Variants in RBMXL2 observed in about 807,000 individuals in gnomAD.
RBMXL2 encodes the protein RBMX like 2.
Under a neutral mutation model 1.0 loss-of-function variants are expected in RBMXL2, and 2 were observed. The observed-to-expected ratio is 2.05, with a 90% CI of 0.84 to 6.44. RBMXL2 has a LOEUF of 6.44. RBMXL2 is among the 30% of genes most tolerant of loss of function. RBMXL2 has a pLI of 0.05. For missense variants in RBMXL2, 658 were observed against 608.5 expected (o/e 1.08, Z -0.85); for synonymous variants, 313 against 267.9 (o/e 1.17, Z -1.64).
chr11:7,089,042 G>T lies in RBMXL2; in HGVS notation c.-79G>T. 1.3e-6 allele frequency: 2 copies of T among 1,516,544 alleles called. No homozygotes were observed. Among genetic ancestry groups the T allele is most frequent in the South Asian group, 1.2e-5 (1 of 84,558 alleles). 93.9% of individuals were successfully genotyped at this position (1,516,544 alleles called of 1,614,324 possible). A position where few individuals can be genotyped will look rare whatever the true frequency, so the allele number is the denominator to read the frequency against. On this transcript the variant is annotated 5_prime_UTR_variant, in exon 1 of 1. Transcript: ENST00000306904. ...CGCCTGACCAGTAGGAGCCGCCCTC[G>T]ACGAGCGAGCTCGAAGGCTGCGACT... is the stretch of plus-strand genomic sequence containing the variant.
chr11:7,088,999 G>T lies in RBMXL2; in HGVS notation c.-122G>T. The T allele has an allele frequency of 8.4e-7, 1 of 1,190,846 alleles. No homozygotes were observed. The highest frequency in any genetic ancestry group is 1.4e-5 in the South Asian group (1 of 71,726). 73.8% of individuals were successfully genotyped at this position (1,190,846 alleles called of 1,614,324 possible). A position where few individuals can be genotyped will look rare whatever the true frequency, so the allele number is the denominator to read the frequency against. Reference sequence around the variant, plus strand: ...GCGGGGCTCCGGCTGCGGTTCCGTGGACTCGGCGACTAGGCGCCGCCTGAC... The same window carrying T: ...GCGGGGCTCCGGCTGCGGTTCCGTGTACTCGGCGACTAGGCGCCGCCTGAC... On this transcript the variant is annotated 5_prime_UTR_variant, in exon 1 of 1. Transcript: ENST00000306904.
In RBMXL2 at chr11:7,089,027, G is replaced by T; in HGVS notation, c.-94G>T. ...TCGGCGACTAGGCGCCGCCTGACCAGTAGGAGCCGCCCTCGACGAGCGAGC... is the reference window on the plus strand; with the variant it reads ...TCGGCGACTAGGCGCCGCCTGACCATTAGGAGCCGCCCTCGACGAGCGAGC... On this transcript the variant is annotated 5_prime_UTR_variant, in exon 1 of 1. Coordinates refer to ENST00000306904, the MANE Select transcript of RBMXL2 (RefSeq NM_014469.5). 6.9e-7 allele frequency: 1 copy of T among 1,448,398 alleles called. No individual in the cohort carries two copies. The highest frequency in any genetic ancestry group is 1.4e-5 in the African/African-American group (1 of 71,366). The allele number at this position is 1,448,398 out of a possible 1,614,324, so 89.7% of individuals were successfully genotyped here. A position where few individuals can be genotyped will look rare whatever the true frequency, so the allele number is the denominator to read the frequency against.
At position 7,089,799 on chromosome 11, in the gene RBMXL2, G is replaced by A. The variant is rs564373546; in HGVS notation, c.679G>A (p.Glu227Lys). The change falls in exon 1 of 1, where the codon GAA (glutamate) becomes AAA (lysine). Residue 227 changes from glutamate to lysine, a missense_variant. Physicochemically the swap from Glu to Lys is moderately conservative, Grantham distance 56. Transcript: ENST00000306904. ...RDGYSSRDYREPRGFAPSPGE... is the reference protein window; with the variant it reads ...RDGYSSRDYRKPRGFAPSPGE... ...CGGCTACTCGAGCCGAGACTACCGCGAACCCCGGGGTTTTGCCCCCTCGCC... is the reference window on the plus strand; with the variant it reads ...CGGCTACTCGAGCCGAGACTACCGCAAACCCCGGGGTTTTGCCCCCTCGCC... 421 of 1,602,940 alleles carry A rather than the reference G, an allele frequency of 2.6e-4. 6 individuals are homozygous for A. In the South Asian group the frequency reaches 4.4e-3, roughly 17 times the overall value.
chr11:7,089,023 A>G lies in RBMXL2; in HGVS notation c.-98A>G. On this transcript the variant is annotated 5_prime_UTR_variant, in exon 1 of 1. Transcript: ENST00000306904. ...GGACTCGGCGACTAGGCGCCGCCTGACCAGTAGGAGCCGCCCTCGACGAGC... is the reference window on the plus strand; with the variant it reads ...GGACTCGGCGACTAGGCGCCGCCTGGCCAGTAGGAGCCGCCCTCGACGAGC... The G allele has an allele frequency of 7.1e-7, 1 of 1,414,886 alleles. No individual in the cohort carries two copies. 87.6% of individuals were successfully genotyped at this position (1,414,886 alleles called of 1,614,324 possible).
Position 7,090,067 on chromosome 11 carries a change from C to G in RBMXL2, c.947C>G (p.Pro316Arg). ...GRYEEYRGYSPDAYSGGRDSY... is the reference protein window; with the variant it reads ...GRYEEYRGYSRDAYSGGRDSY... ...TACGAGGAGTACCGGGGCTACTCACCCGATGCCTACAGCGGCGGCCGCGAC... is the reference window on the plus strand; with the variant it reads ...TACGAGGAGTACCGGGGCTACTCACGCGATGCCTACAGCGGCGGCCGCGAC... The change falls in exon 1 of 1, where the codon CCC becomes CGC. Residue 316 changes from proline to arginine, a missense_variant. Transcript: ENST00000306904. 1 of 1,612,866 alleles carries G rather than the reference C, an allele frequency of 6.2e-7. No homozygotes were observed. The highest frequency in any genetic ancestry group is 8.5e-7 in the Non-Finnish European group (1 of 1,179,706).
In RBMXL2 at chr11:7,089,327, G is replaced by A; in HGVS notation, c.207G>A (p.Met69Ile). 6.2e-7 allele frequency: 1 copy of A among 1,607,904 alleles called. No individual in the cohort carries two copies. The highest frequency in any genetic ancestry group is 8.5e-7 in the Non-Finnish European group (1 of 1,177,086). ...PADAKAAARD[M>I]NGKSLDGKAI... ...ACGCCAAGGCCGCCGCCAGAGACAT[G>A]AACGGCAAGTCCCTGGATGGTAAGG... is the stretch of plus-strand genomic sequence containing the variant. Residue 69 changes from methionine to isoleucine, a missense_variant, in exon 1 of 1, where the codon ATG (methionine) becomes ATA (isoleucine). Transcript: ENST00000306904.
Position 7,090,573 on chromosome 11 carries a change from A to G in RBMXL2, c.*274A>G. The G allele has an allele frequency of 2.1e-6, 1 of 483,612 alleles. No individual in the cohort carries two copies. Among genetic ancestry groups the G allele is most frequent in the South Asian group, 2.3e-5 (1 of 43,900 alleles). The allele number at this position is 483,612 out of a possible 1,614,324, so 30.0% of individuals were successfully genotyped here. ...AGTCTTCTTACATTTACAAGTAGAA[A>G]TTCGATTAATGGCTTCTTCCCTTGT... is the stretch of plus-strand genomic sequence containing the variant. On this transcript the variant is annotated 3_prime_UTR_variant, in exon 1 of 1. Transcript: ENST00000306904.
At position 7,089,428 on chromosome 11, in the gene RBMXL2, G is replaced by C. The variant is rs1853084166; in HGVS notation, c.308G>C (p.Gly103Ala). 1 of 1,551,392 alleles carries C rather than the reference G, an allele frequency of 6.4e-7. No individual in the cohort carries two copies. Among genetic ancestry groups the C allele is most frequent in the Non-Finnish European group, 8.7e-7 (1 of 1,148,602 alleles). ...GGCCCGCCGCCTCCCCGCAGCCGCG[G>C]TCGCCCGAGGTTCCTGCGCGGAACC... ...RRGPPPPRSRGRPRFLRGTRG... is the reference protein window; with the variant it reads ...RRGPPPPRSRARPRFLRGTRG... Residue 103 changes from glycine (G) to alanine (A), a missense_variant, in exon 1 of 1, where the codon GGT becomes GCT. Coordinates refer to ENST00000306904, the MANE Select transcript of RBMXL2 (RefSeq NM_014469.5).
In RBMXL2 at chr11:7,089,706, C is replaced by T. The variant is rs768070314; in HGVS notation, c.586C>T (p.Arg196Trp). 9.2e-6 allele frequency: 14 copies of T among 1,523,074 alleles called. No individual in the cohort carries two copies. Among genetic ancestry groups the T allele is most frequent in the South Asian group, 3.6e-5 (3 of 83,654 alleles). The allele number at this position is 1,523,074 out of a possible 1,614,324, so 94.3% of individuals were successfully genotyped here. A position where few individuals can be genotyped will look rare whatever the true frequency, so the allele number is the denominator to read the frequency against. ...AGACGGCTACTCAGGCCCACCGCGCCGGGAGCCGCTGCCCCCGCGCCGCGA... is the reference window on the plus strand; with the variant it reads ...AGACGGCTACTCAGGCCCACCGCGCTGGGAGCCGCTGCCCCCGCGCCGCGA... ...GRDGYSGPPR[R>W]EPLPPRRDPY... Residue 196 changes from arginine to tryptophan, a missense_variant, in exon 1 of 1, where the codon CGG (arginine) becomes TGG (tryptophan). Transcript: ENST00000306904.
Position 7,089,148 on chromosome 11 carries a change from C to A in RBMXL2, c.28C>A (p.Leu10Met). The A allele has an allele frequency of 6.2e-7, 1 of 1,614,026 alleles. No homozygotes were observed. The highest frequency in any genetic ancestry group is 8.5e-7 in the Non-Finnish European group (1 of 1,179,952). MVEADRPGK[L>M]FIGGLNLETD... The stretch of plus-strand genomic sequence containing the variant: ...GGTTGAAGCGGATCGCCCGGGGAAG[C>A]TGTTCATTGGGGGCCTCAACCTCGA... The change falls in exon 1 of 1, where the codon CTG becomes ATG. Residue 10 changes from leucine (L) to methionine (M), a missense_variant. Transcript: ENST00000306904.
chr11:7,090,529 G>C lies in RBMXL2; in HGVS notation c.*230G>C. The C allele has an allele frequency of 1.7e-6, 1 of 601,196 alleles. No individual in the cohort carries two copies. The highest frequency in any genetic ancestry group is 3.0e-6 in the Non-Finnish European group (1 of 335,342). 37.2% of individuals were successfully genotyped at this position (601,196 alleles called of 1,614,324 possible). A position where few individuals can be genotyped will look rare whatever the true frequency, so the allele number is the denominator to read the frequency against. On this transcript the variant is annotated 3_prime_UTR_variant, in exon 1 of 1. Coordinates refer to ENST00000306904, the MANE Select transcript of RBMXL2 (RefSeq NM_014469.5). Reference sequence around the variant, plus strand: ...TTCTTTCAACAAGCTCCTGTTAAAAGTATATGAACCTGAGTACTAGTCTTC... The same window carrying C: ...TTCTTTCAACAAGCTCCTGTTAAAACTATATGAACCTGAGTACTAGTCTTC...
At position 7,089,857 on chromosome 11, in the gene RBMXL2, C is replaced by T. The variant is rs767037405; in HGVS notation, c.737C>T (p.Ser246Phe). ...TACACCCACCGCGATTACGGCCACT[C>T]CAGTGTCCGGGACGACTGTCCCTTG... ...GEYTHRDYGHSSVRDDCPLRG... is the reference protein window; with the variant it reads ...GEYTHRDYGHFSVRDDCPLRG... The change falls in exon 1 of 1, where the codon TCC becomes TTC. Residue 246 changes from serine (S) to phenylalanine (F), a missense_variant. Transcript: ENST00000306904. 3 of 1,612,326 alleles carry T rather than the reference C, an allele frequency of 1.9e-6. No homozygotes were observed. The highest frequency in any genetic ancestry group is 8.5e-7 in the Non-Finnish European group (1 of 1,179,948).
In RBMXL2 at chr11:7,089,975, C is replaced by T. The variant is rs766818912; in HGVS notation, c.855C>T (p.Ser285=). ...GCTCCCATCGAGAGCCCTTTGAGAG[C>T]TACGGAGAGCTGCGCGGCGCCGCCC... ...SRGSHREPFE[S]YGELRGAAPG... is the part of the protein sequence containing the mutation. The change falls in exon 1 of 1, where the codon AGC becomes AGT. Residue 285 remains serine, a synonymous_variant. Transcript: ENST00000306904. The T allele has an allele frequency of 1.9e-6, 3 of 1,613,054 alleles. No individual in the cohort carries two copies. The highest frequency in any genetic ancestry group is 2.5e-6 in the Non-Finnish European group (3 of 1,180,012).
chr11:7,089,732 C>T lies in RBMXL2; in HGVS notation c.612C>T (p.Asp204=). The change falls in exon 1 of 1, where the codon GAC becomes GAT. Residue 204 remains aspartate (D), a synonymous_variant. Transcript: ENST00000306904. ...GGGAGCCGCTGCCCCCGCGCCGCGACCCCTACCTGGGCCCGCGGGATGAGG... is the reference window on the plus strand; with the variant it reads ...GGGAGCCGCTGCCCCCGCGCCGCGATCCCTACCTGGGCCCGCGGGATGAGG... ...PRREPLPPRR[D]PYLGPRDEGY... 1 of 1,542,600 alleles carries T rather than the reference C, an allele frequency of 6.5e-7. No homozygotes were observed. Among genetic ancestry groups the T allele is most frequent in the Non-Finnish European group, 8.7e-7 (1 of 1,149,872 alleles).
chr11:7,089,639 C>G lies in RBMXL2; in HGVS notation c.519C>G (p.Ser173Arg), dbSNP rs559147307. 22 of 1,302,738 alleles carry G rather than the reference C, an allele frequency of 1.7e-5. No homozygotes were observed. The African/African-American group carries it at 3.5e-4, about 20-fold the overall frequency. The allele number at this position is 1,302,738 out of a possible 1,614,324, so 80.7% of individuals were successfully genotyped here. The change falls in exon 1 of 1, where the codon AGC becomes AGG. Residue 173 changes from serine to arginine, a missense_variant. Transcript: ENST00000306904. ...RAAPSGPARSSGGGMRGRALA... is the reference protein window; with the variant it reads ...RAAPSGPARSRGGGMRGRALA... ...CGCCGTCGGGCCCGGCTCGCAGCAG[C>G]GGCGGTGGAATGCGCGGGAGGGCCC... is the stretch of plus-strand genomic sequence containing the variant.
In RBMXL2 at chr11:7,090,238, C is replaced by A. The variant is rs770427173; in HGVS notation, c.1118C>A (p.Pro373His). 1 of 1,610,676 alleles carries A rather than the reference C, an allele frequency of 6.2e-7. No homozygotes were observed. The highest frequency in any genetic ancestry group is 8.5e-7 in the Non-Finnish European group (1 of 1,178,580). The change falls in exon 1 of 1, where the codon CCC becomes CAC. Residue 373 changes from proline (P) to histidine (H), a missense_variant. Pro to His is a moderately conservative substitution (Grantham distance 77, BLOSUM62 -2). Coordinates refer to ENST00000306904, the MANE Select transcript of RBMXL2 (RefSeq NM_014469.5). The stretch of plus-strand genomic sequence containing the variant: ...TACAGCCGGTCAGGCTGCAGGGTGC[C>A]CAGGGGCGGAGGCCGTCTAGGAGGC... ...DSYSRSGCRV[P>H]RGGGRLGGRL...
At position 7,089,955 on chromosome 11, in the gene RBMXL2, C is replaced by A. The variant is rs143507713; in HGVS notation, c.835C>A (p.His279Asn). Reference protein sequence around the residue: ...DYGDHLSRGSHREPFESYGEL... With the variant: ...DYGDHLSRGSNREPFESYGEL... ...CGGGGATCATCTGAGCAGAGGCTCC[C>A]ATCGAGAGCCCTTTGAGAGCTACGG... The change falls in exon 1 of 1, where the codon CAT becomes AAT. Residue 279 changes from histidine (H) to asparagine (N), a missense_variant. Coordinates refer to ENST00000306904, the MANE Select transcript of RBMXL2 (RefSeq NM_014469.5). 2.7e-5 allele frequency: 44 copies of A among 1,613,094 alleles called. No homozygotes were observed. The African/African-American group carries it at 5.6e-4, about 21-fold the overall frequency.
Position 7,090,167 on chromosome 11 carries a change from G to A in RBMXL2, c.1047G>A (p.Gly349=), listed in dbSNP as rs767290026. 6.2e-6 allele frequency: 10 copies of A among 1,613,856 alleles called. No homozygotes were observed. In the Admixed American group the frequency reaches 1.5e-4, roughly 24 times the overall value. The change falls in exon 1 of 1, where the codon GGG becomes GGA. Residue 349 remains glycine (G), a synonymous_variant. Coordinates refer to ENST00000306904, the MANE Select transcript of RBMXL2 (RefSeq NM_014469.5). ...ACCGGGTGGGCAGACCAGATCGTGG[G>A]CTCTCTCTGTCCATGGAAAGGGGCT... ...GRHRVGRPDR[G]LSLSMERGCP...
chr11:7,090,506 C>A lies in RBMXL2; in HGVS notation c.*207C>A. The A allele has an allele frequency of 1.5e-6, 1 of 662,722 alleles. No individual in the cohort carries two copies. The highest frequency in any genetic ancestry group is 2.8e-5 in the East Asian group (1 of 35,314). 41.1% of individuals were successfully genotyped at this position (662,722 alleles called of 1,614,324 possible). The stretch of plus-strand genomic sequence containing the variant: ...TTTAGTTTTGGAATTGTTAACGTTT[C>A]TTTCAACAAGCTCCTGTTAAAAGTA... On this transcript the variant is annotated 3_prime_UTR_variant, in exon 1 of 1. Coordinates refer to ENST00000306904, the MANE Select transcript of RBMXL2 (RefSeq NM_014469.5).
Sources: allele counts gnomAD v4.1 joint callset, GRCh38; gene constraint gnomAD v4.1.1; transcripts MANE v1.5; gene names NCBI Gene and HGNC (gene_info 2026-07-23, HGNC 2026-07-21).